The following KCNIP1 variants were observed in gnomAD, a reference collection of about 807,000 sequenced individuals.
KCNIP1 encodes potassium voltage-gated channel interacting protein 1.
In KCNIP1, 18 loss-of-function variants were observed where a neutral mutation model predicts 33.0. That is an observed-to-expected ratio of 0.55 (90% CI 0.38 to 0.81). KCNIP1 has a LOEUF of 0.81. Ranked by LOEUF, KCNIP1 falls within the 30% of genes least tolerant of loss-of-function variation. The pLI is 0.00. For missense variants in KCNIP1, 238 were observed against 271.6 expected, an observed-to-expected ratio of 0.88 and a Z score of 0.87; for synonymous variants, 93 against 98.3, an observed-to-expected ratio of 0.95 and a Z score of 0.32.
Position 170,450,149 on chromosome 5 carries a change from T to C in KCNIP1, c.88+96185T>C, listed in dbSNP as rs1451137980. On this transcript the variant is annotated intron_variant, in intron 1 of 7. Transcript: ENST00000377360. The stretch of plus-strand genomic sequence containing the variant: ...ACCCTCACCCCACCCCCTGCCACCA[T>C]GTTAATTACCCACAAGTGTGTTGAC... 9.7e-5 allele frequency among the ~76,000 whole-genome samples: 4 copies of C among 41,326 alleles called. No individual in the cohort carries two copies. In the South Asian group the frequency reaches 2.3e-3, roughly 24 times the overall value. 27.1% of individuals were successfully genotyped at this position (41,326 alleles called of 152,430 possible).
At chr5:170,441,737 G>A (rs1755994453) in intron 1 of KCNIP1, among the ~76,000 whole-genome samples, 1 of 151,982 alleles carries the variant, frequency 6.6e-6, no homozygotes, top group Non-Finnish European at 1.5e-5. Context: ...AGGTCACGAG[G>A]TCAGAAGATG....
chr5:170,539,789 A>T (rs1170298893), intron 1 of KCNIP1, among the ~76,000 whole-genome samples: 10 of 152,168 alleles, frequency 6.6e-5, no homozygotes, highest in Non-Finnish European at 1.0e-4. Flanking sequence ...AATGTCAAGA[A>T]GTACCTGGGG....
chr5:170,414,960 C>T (rs2113414086), intron 1 of KCNIP1, among the ~76,000 whole-genome samples: 1 of 152,282 alleles, frequency 6.6e-6, no homozygotes, highest in South Asian at 2.1e-4. Flanking sequence ...TTCCAATGCC[C>T]AGCATGTAGT....
At chr5:170,618,534 GGAAA>G (rs1581404556) in intron 1 of KCNIP1, among the ~76,000 whole-genome samples, 6 of 97,518 alleles carry the variant, frequency 6.2e-5, no homozygotes, top group African/African-American at 2.5e-4. Context: ...GAGGGAGGGA[GGAAA>G]GGAGGGAGGA....
intron 1 of KCNIP1, among the ~76,000 whole-genome samples, chr5:170,545,413 C>G (rs1342209426): frequency 6.6e-6 from 1 of 152,094 alleles, no homozygotes; most frequent in East Asian, 1.9e-4. Flanking sequence ...GTTGGTTTCT[C>G]TCATCAATTT....
At chr5:170,387,683 C>T (rs889847667) in intron 1 of KCNIP1, among the ~76,000 whole-genome samples, 2 of 152,210 alleles carry the variant, frequency 1.3e-5, no homozygotes, top group African/African-American at 4.8e-5. Context: ...TTATTCAATC[C>T]TTTTCCTCCT....
chr5:170,599,098 G>A (rs565557467), intron 1 of KCNIP1, among the ~76,000 whole-genome samples: 17 of 152,190 alleles, frequency 1.1e-4, no homozygotes, highest in African/African-American at 3.9e-4. Flanking sequence ...TTAACCAGAG[G>A]CAGAGACTGG....
intron 1 of KCNIP1, among the ~76,000 whole-genome samples, chr5:170,562,221 G>A (rs1353685045): frequency 1.3e-5 from 2 of 152,226 alleles, no homozygotes; most frequent in Non-Finnish European, 2.9e-5. Context: ...GAATAAATGT[G>A]CATTTGCAAG....
intron 1 of KCNIP1, among the ~76,000 whole-genome samples, chr5:170,494,048 A>T (rs1219774185): frequency 1.3e-5 from 2 of 152,198 alleles, no homozygotes; most frequent in Non-Finnish European, 2.9e-5. Flanking sequence ...CAGATACCCC[A>T]GGGACTGGCA....
At chr5:170,354,010 T>G in intron 1 of KCNIP1, 14 of 1,525,580 alleles carry the variant, frequency 9.2e-6, no homozygotes, top group African/African-American at 1.4e-5. Context: ...TGATATGGCC[T>G]GGCTGGTCGC....
chr5:170,638,567 T>C (rs1367582568), intron 1 of KCNIP1, among the ~76,000 whole-genome samples: 2 of 152,176 alleles, frequency 1.3e-5, no homozygotes, highest in African/African-American at 4.8e-5. Context: ...ACAGCAATAA[T>C]TGATGCCTCT....
chr5:170,655,115 C>T (rs747126076), intron 1 of KCNIP1, among the ~76,000 whole-genome samples: 1 of 152,144 alleles, frequency 6.6e-6, no homozygotes, highest in Non-Finnish European at 1.5e-5. Context: ...CTCAAAATTA[C>T]CTTCAAAATA....
intron 1 of KCNIP1, among the ~76,000 whole-genome samples, chr5:170,451,227 C>A (rs1226608942): frequency 6.6e-6 from 1 of 152,154 alleles, no homozygotes; most frequent in African/African-American, 2.4e-5. Flanking sequence ...CAAAAATGAC[C>A]AGACATCCCG....
intron 1 of KCNIP1, among the ~76,000 whole-genome samples, chr5:170,414,772 C>T (rs920229575): frequency 6.6e-6 from 1 of 152,240 alleles, no homozygotes; most frequent in African/African-American, 2.4e-5. Context: ...GCTATCCCTT[C>T]TCTATCAAAA....
chr5:170,365,614 C>T (rs1448745481), intron 1 of KCNIP1, among the ~76,000 whole-genome samples: 1 of 152,210 alleles, frequency 6.6e-6, no homozygotes, highest in Admixed American at 6.5e-5. Context: ...TGAGCAGTCA[C>T]CAGCGAAGGC....
chr5:170,372,671 A>G (rs7704563), intron 1 of KCNIP1, among the ~76,000 whole-genome samples: 40,181 of 152,146 alleles, frequency 0.26, 5,426 homozygotes, highest in Middle Eastern at 0.33. Context: ...AGCACCAAAT[A>G]TAAAGTGGAG....
chr5:170,548,833 A>G (rs1441684010), intron 1 of KCNIP1, among the ~76,000 whole-genome samples: 2 of 152,204 alleles, frequency 1.3e-5, no homozygotes, highest in South Asian at 2.1e-4. Flanking sequence ...TAATTCTTGT[A>G]TAACTAATTA....
chr5:170,386,253 A>G (rs899994613), intron 1 of KCNIP1, among the ~76,000 whole-genome samples: 3 of 152,222 alleles, frequency 2.0e-5, no homozygotes, highest in African/African-American at 7.2e-5. Context: ...GATTAAACAG[A>G]TGAGAAAGCT....
chr5:170,418,914 C>T (rs1358386224), intron 1 of KCNIP1, among the ~76,000 whole-genome samples: 1 of 152,200 alleles, frequency 6.6e-6, no homozygotes, highest in African/African-American at 2.4e-5. Context: ...CCTCTATTTA[C>T]ATTTCTTTTC....
Sources: gnomAD v4.1 joint callset for allele counts (sites outside exome capture counted in the v4.1 genomes callset) on GRCh38, gnomAD v4.1.1 for gene constraint, MANE v1.5 for transcripts, NCBI Gene and HGNC (gene_info 2026-07-23, HGNC 2026-07-21) for gene names.